Variants in TBC1D12 observed in about 807,000 individuals in gnomAD.
The protein encoded by TBC1D12 is TBC1 domain family member 12, also known as TBC1 domain family, member 12.
In TBC1D12, 56 loss-of-function variants were observed where a neutral mutation model predicts 86.7. The observed-to-expected ratio is 0.65, with a 90% CI of 0.52 to 0.81. The LOEUF (loss-of-function observed/expected upper bound fraction) is 0.81, where lower values mean the gene tolerates loss of function less well. TBC1D12 is among the 30% of genes least tolerant of loss of function. The pLI is 0.00. For synonymous variants in TBC1D12, 421 were observed against 411.7 expected, an observed-to-expected ratio of 1.02 and a Z score of -0.27; for missense variants, 1,023 against 1,038.8, an observed-to-expected ratio of 0.98 and a Z score of 0.21.
chr10:94,424,037 T>G (rs923656664), intron 1 of TBC1D12, among the ~76,000 whole-genome samples: 8 of 151,914 alleles, frequency 5.3e-5, no homozygotes, highest in African/African-American at 1.9e-4. Context: ...AGCATTTACA[T>G]TGCATTAGGT....
chr10:94,522,958 C>T (rs962744558), intron 11 of TBC1D12, among the ~76,000 whole-genome samples: 3 of 149,066 alleles, frequency 2.0e-5, no homozygotes, highest in Non-Finnish European at 3.0e-5. Flanking sequence ...GCAGGAGAAT[C>T]GCTTGAACCC....
At chr10:94,477,578 G>A (rs1040454991) in intron 3 of TBC1D12, among the ~76,000 whole-genome samples, 7 of 152,134 alleles carry the variant, frequency 4.6e-5, no homozygotes, top group African/African-American at 9.7e-5. Context: ...GCAGACTTGG[G>A]CCAGCTAACA....
At chr10:94,458,331 T>A (rs1202597427) in intron 2 of TBC1D12, among the ~76,000 whole-genome samples, 1 of 152,134 alleles carries the variant, frequency 6.6e-6, no homozygotes, top group Admixed American at 6.5e-5. Context: ...CTATAGAGCG[T>A]CCCCATCAGC....
intron 2 of TBC1D12, among the ~76,000 whole-genome samples, chr10:94,465,839 CAT>C (rs1293304187): frequency 1.3e-5 from 2 of 150,894 alleles, no homozygotes; most frequent in Admixed American, 6.6e-5. Context: ...TATACGCATA[CAT>C]ATATACGTAC....
intron 3 of TBC1D12, among the ~76,000 whole-genome samples, chr10:94,492,408 A>G (rs1382928358): frequency 2.6e-5 from 4 of 152,238 alleles, no homozygotes; most frequent in Admixed American, 6.5e-5. Context: ...CACACTTACT[A>G]TATAACCCAA....
chr10:94,403,286 A>G lies in TBC1D12; in HGVS notation c.673A>G (p.Ser225Gly). ...AGSDSGDSPASSCSSSEDSEQ... is the reference protein window; with the variant it reads ...AGSDSGDSPAGSCSSSEDSEQ... ...CAGCGACTCGGGGGACAGCCCCGCC[A>G]GCAGCTGCAGCAGTAGCGAGGACTC... is the stretch of plus-strand genomic sequence containing the variant. Residue 225 changes from serine (S) to glycine (G), a missense_variant, in exon 1 of 13, where the codon AGC (serine) becomes GGC (glycine). Transcript: ENST00000225235. 6.7e-7 allele frequency: 1 copy of G among 1,497,542 alleles called. No individual in the cohort carries two copies. Among genetic ancestry groups the G allele is most frequent in the African/African-American group, 1.5e-5 (1 of 68,550 alleles). The allele number at this position is 1,497,542 out of a possible 1,614,324, so 92.8% of individuals were successfully genotyped here.
chr10:94,403,647 G>A, intron 1 of TBC1D12, 63 bp downstream of exon 1: 1 of 1,373,448 alleles, frequency 7.3e-7, no homozygotes, highest in Non-Finnish European at 9.3e-7. Context: ...CCGGGGTCTT[G>A]GTGGGAGTCG....
At chr10:94,442,112 T>G in intron 2 of TBC1D12, 93 bp downstream of exon 2, 1 of 1,328,804 alleles carries the variant, frequency 7.5e-7, no homozygotes, top group Middle Eastern at 2.1e-4. Flanking sequence ...ACTAACCATA[T>G]TCTATTTTTA....
chr10:94,413,321 C>G (rs1393107593), intron 1 of TBC1D12, among the ~76,000 whole-genome samples: 1 of 152,174 alleles, frequency 6.6e-6, no homozygotes, highest in Non-Finnish European at 1.5e-5. Flanking sequence ...GTTTAGATAG[C>G]CATGCTTGCC....
At chr10:94,499,213 A>G (rs946837680) in intron 5 of TBC1D12, among the ~76,000 whole-genome samples, 6 of 150,856 alleles carry the variant, frequency 4.0e-5, no homozygotes, top group Non-Finnish European at 7.4e-5. Flanking sequence ...CATACAGTTC[A>G]TTATTATTTA....
At chr10:94,516,621 A>G (rs1407738491) in intron 9 of TBC1D12, among the ~76,000 whole-genome samples, 6 of 131,960 alleles carry the variant, frequency 4.5e-5, no homozygotes, top group Admixed American at 3.7e-4. Context: ...CCTGTGTCCA[A>G]GTGTTCTCAT....
At chr10:94,509,993 A>G in intron 7 of TBC1D12, 98 bp from the exon 8 acceptor site, 1 of 799,070 alleles carries the variant, frequency 1.3e-6, no homozygotes, top group South Asian at 1.7e-5. Context: ...TCAGCTTTTA[A>G]CTTAAATAAC....
intron 2 of TBC1D12, among the ~76,000 whole-genome samples, chr10:94,444,678 G>T (rs926086278): frequency 1.2e-4 from 18 of 151,278 alleles, no homozygotes; most frequent in Non-Finnish European, 2.2e-4. Flanking sequence ...TTGCTGATAC[G>T]CTGTATACCT....
intron 11 of TBC1D12, among the ~76,000 whole-genome samples, chr10:94,528,926 C>T (rs1479512449): frequency 6.6e-5 from 10 of 151,626 alleles, no homozygotes; most frequent in Admixed American, 4.6e-4. Context: ...GTGGGTTTCA[C>T]GTAAATGGTA....
At chr10:94,532,271 G>A (rs1208556987) in intron 12 of TBC1D12, among the ~76,000 whole-genome samples, 1 of 152,042 alleles carries the variant, frequency 6.6e-6, no homozygotes, top group Non-Finnish European at 1.5e-5. Context: ...ACCGTCTCCC[G>A]GGTTCAAGCA....
chr10:94,530,095 G>A (rs1346469609), intron 11 of TBC1D12, among the ~76,000 whole-genome samples: 1 of 152,050 alleles, frequency 6.6e-6, no homozygotes, highest in Non-Finnish European at 1.5e-5. Flanking sequence ...AAATTATTTT[G>A]GCGAGGAAGC....
At chr10:94,434,587 A>G (rs1372696624) in intron 1 of TBC1D12, among the ~76,000 whole-genome samples, 2 of 151,748 alleles carry the variant, frequency 1.3e-5, no homozygotes, top group Non-Finnish European at 2.9e-5. Flanking sequence ...TGACTGGGAC[A>G]TTAGGATTAC....
Position 94,443,136 on chromosome 10 carries a change from C to T in TBC1D12, c.1095+1117C>T, listed in dbSNP as rs76536613. On this transcript the variant is annotated intron_variant, in intron 2 of 12. Coordinates refer to ENST00000225235, the MANE Select transcript of TBC1D12 (RefSeq NM_015188.2). The stretch of plus-strand genomic sequence containing the variant: ...TGTTCACCCCCATAGAATGTACATG[C>T]ACGGCACTAGAGGACTGCATGTTTG... Among the ~76,000 whole-genome samples, 1,022 of 152,204 alleles carry T rather than the reference C, an allele frequency of 6.7e-3. 10 individuals are homozygous for T. Among genetic ancestry groups the T allele is most frequent in the African/African-American group, 0.022 (912 of 41,520 alleles).
At chr10:94,435,924 A>G (rs974536044) in intron 1 of TBC1D12, among the ~76,000 whole-genome samples, 3 of 152,136 alleles carry the variant, frequency 2.0e-5, no homozygotes, top group East Asian at 1.9e-4. Context: ...TTATTACACA[A>G]TCTTTCCTCG....
Sources: gnomAD v4.1 joint callset for allele counts (sites outside exome capture counted in the v4.1 genomes callset) on GRCh38, gnomAD v4.1.1 for gene constraint, MANE v1.5 for transcripts, NCBI Gene and HGNC (gene_info 2026-07-23, HGNC 2026-07-21) for gene names.